ELP4: variants seen among roughly 807,000 people sequenced by gnomAD.
The protein encoded by ELP4 is elongator acetyltransferase complex subunit 4, also known as elongator complex protein 4.
A neutral mutation model predicts 48.9 loss-of-function variants in ELP4; 51 were observed. The observed-to-expected ratio is 1.04, with a 90% CI of 0.83 to 1.32. The LOEUF is 1.32. Among genes scored for constraint, ELP4 ranks in the 40% most tolerant of loss-of-function variants. ELP4 has a pLI of 0.00. For synonymous variants in ELP4, 210 were observed against 189.2 expected, an observed-to-expected ratio of 1.11 and a Z score of -0.90; for missense variants, 519 against 514.6, an observed-to-expected ratio of 1.01 and a Z score of -0.08.
intron 9 of ELP4, among the ~76,000 whole-genome samples, chr11:31,734,629 T>TG (rs1282699889): frequency 6.6e-6 from 1 of 152,244 alleles, no homozygotes; most frequent in Non-Finnish European, 1.5e-5. Context: ...TAAACATGAA[T>TG]AAAATACTTA....
At chr11:31,645,179 G>C (rs984973049) in intron 7 of ELP4, among the ~76,000 whole-genome samples, 3 of 151,668 alleles carry the variant, frequency 2.0e-5, no homozygotes, top group African/African-American at 7.3e-5. Context: ...ATGCAAACCT[G>C]TGAAACTTAG....
intron 3 of ELP4, among the ~76,000 whole-genome samples, chr11:31,540,439 A>T (rs1956574005): frequency 6.6e-6 from 1 of 152,238 alleles, no homozygotes; most frequent in South Asian, 2.1e-4. Context: ...AACTGATTCC[A>T]AGGCACTACA....
chr11:31,726,660 A>G lies in ELP4; in HGVS notation c.1144-56733A>G, dbSNP rs568158531. Among the ~76,000 whole-genome samples the G allele has an allele frequency of 3.3e-5, 5 of 151,444 alleles. No individual in the cohort carries two copies. The East Asian group carries it at 9.7e-4, about 29-fold the overall frequency. Reference sequence around the variant, plus strand: ...AATGAAGGGGCAGTGGCCAAAAAGAAAAAAAAAAGGGAATCCTAATGGAAA... The same window carrying G: ...AATGAAGGGGCAGTGGCCAAAAAGAGAAAAAAAAGGGAATCCTAATGGAAA... On this transcript the variant is annotated intron_variant, in intron 9 of 9. Transcript: ENST00000640961.
At chr11:31,631,404 G>A (rs1944858341) in intron 6 of ELP4, among the ~76,000 whole-genome samples, 1 of 152,054 alleles carries the variant, frequency 6.6e-6, no homozygotes. Context: ...CACATGCCAG[G>A]TTTTGTTAAC....
At chr11:31,530,113 C>G (rs920485404) in intron 2 of ELP4, among the ~76,000 whole-genome samples, 3 of 152,128 alleles carry the variant, frequency 2.0e-5, no homozygotes, top group Non-Finnish European at 4.4e-5. Flanking sequence ...ACTGCTGCCC[C>G]CTCCACTTAA....
At chr11:31,550,771 G>A (rs1956835455) in intron 3 of ELP4, among the ~76,000 whole-genome samples, 1 of 152,100 alleles carries the variant, frequency 6.6e-6, no homozygotes, top group South Asian at 2.1e-4. Context: ...ATTTTTTTCT[G>A]CCAAATCTTT....
intron 9 of ELP4, chr11:31,714,603 C>T: frequency 2.5e-6 from 1 of 398,426 alleles, no homozygotes; most frequent in South Asian, 1.3e-4. Flanking sequence ...TTGAACAATA[C>T]AAATTTATTT....
chr11:31,695,794 T>TC (rs1226855222), intron 9 of ELP4, among the ~76,000 whole-genome samples: 1 of 108,698 alleles, frequency 9.2e-6, no homozygotes, highest in East Asian at 2.8e-4. Context: ...ATCCATCTGA[T>TC]CCTGAGCTTT....
intron 9 of ELP4, among the ~76,000 whole-genome samples, chr11:31,781,042 G>C (rs1392639988): frequency 1.3e-5 from 2 of 152,164 alleles, no homozygotes; most frequent in Admixed American, 1.3e-4. Context: ...CTAACTTGGA[G>C]TGTTCCCTGT....
chr11:31,555,732 T>A (rs1956921234), intron 3 of ELP4, among the ~76,000 whole-genome samples: 1 of 151,906 alleles, frequency 6.6e-6, no homozygotes, highest in Non-Finnish European at 1.5e-5. Context: ...AACAAAATAT[T>A]TTTGTAATGT....
intron 5 of ELP4, among the ~76,000 whole-genome samples, chr11:31,609,815 C>G (rs542755345): frequency 1.6e-4 from 25 of 152,058 alleles, no homozygotes; most frequent in Admixed American, 2.6e-4. Flanking sequence ...GAGGATCAAT[C>G]ACTTGAGCCC....
chr11:31,638,038 CTT>C (rs1254028855), intron 7 of ELP4, among the ~76,000 whole-genome samples: 2 of 151,812 alleles, frequency 1.3e-5, no homozygotes, highest in African/African-American at 4.8e-5. Context: ...TATTGAAACA[CTT>C]AAACTAATTA....
intron 9 of ELP4, among the ~76,000 whole-genome samples, chr11:31,685,561 G>A (rs939504294): frequency 2.0e-5 from 3 of 152,130 alleles, no homozygotes; most frequent in African/African-American, 7.2e-5. Flanking sequence ...TAACAGATTT[G>A]TATCCAAACT....
intron 5 of ELP4, among the ~76,000 whole-genome samples, chr11:31,623,721 A>G (rs567204576): frequency 2.7e-4 from 41 of 151,260 alleles, no homozygotes; most frequent in African/African-American, 9.4e-4. Flanking sequence ...CTCATATCAA[A>G]GAACCCCCCT....
intron 9 of ELP4, among the ~76,000 whole-genome samples, chr11:31,765,662 A>G (rs1284075376): frequency 6.6e-6 from 1 of 152,114 alleles, no homozygotes; most frequent in Non-Finnish European, 1.5e-5. Context: ...ATAGAGTGCA[A>G]CAATAGATCC....
intron 2 of ELP4, among the ~76,000 whole-genome samples, chr11:31,537,071 G>A (rs1311058096): frequency 6.6e-6 from 1 of 152,072 alleles, no homozygotes; most frequent in East Asian, 1.9e-4. Flanking sequence ...TGCAAAGAAG[G>A]CATTTTCTTC....
chr11:31,612,157 A>AT (rs1385776982), intron 5 of ELP4, among the ~76,000 whole-genome samples: 1 of 151,936 alleles, frequency 6.6e-6, no homozygotes, highest in African/African-American at 2.4e-5. Context: ...GTGAAATAAG[A>AT]TTTTTTTTGC....
intron 3 of ELP4, among the ~76,000 whole-genome samples, chr11:31,540,528 C>T (rs1327556498): frequency 6.6e-6 from 1 of 152,030 alleles, no homozygotes; most frequent in East Asian, 1.9e-4. Flanking sequence ...ACTATGTTGC[C>T]AGACTGGTCT....
At chr11:31,782,274 T>A (rs895888758) in intron 9 of ELP4, among the ~76,000 whole-genome samples, 3 of 152,250 alleles carry the variant, frequency 2.0e-5, no homozygotes, top group Non-Finnish European at 4.4e-5. Flanking sequence ...TGGACCACAA[T>A]ATTTTGACCA....
Sources: allele counts gnomAD v4.1 joint callset (sites outside exome capture counted in the v4.1 genomes callset), GRCh38; gene constraint gnomAD v4.1.1; transcripts MANE v1.5; gene names NCBI Gene and HGNC (gene_info 2026-07-23, HGNC 2026-07-21).